NRXN3: variants seen among roughly 807,000 people sequenced by gnomAD.
NRXN3 encodes the protein neurexin 3.
NRXN3 carries 32 observed loss-of-function variants against 137.6 expected under a neutral mutation model. That is an observed-to-expected ratio of 0.23 (90% CI 0.18 to 0.31). The LOEUF (loss-of-function observed/expected upper bound fraction) is 0.31. Ranked by LOEUF, NRXN3 falls within the 10% of genes least tolerant of loss-of-function variation. The probability of loss-of-function intolerance (pLI) is 1.00; values close to 1 mark genes in which losing one functional copy is unlikely to be tolerated. For missense variants in NRXN3, 1,574 were observed against 2,062.5 expected (o/e 0.76, Z 4.59); for synonymous variants, 798 against 784.5 (o/e 1.02, Z -0.29).
rs145491619 is a variant in NRXN3 at position 79,696,238 on chromosome 14, G to A, written c.3707-1392G>A. Among the ~76,000 whole-genome samples, 1,510 of 151,952 alleles carry A rather than the reference G, an allele frequency of 9.9e-3. 43 individuals carry two copies. Among genetic ancestry groups the A allele is most frequent in the Middle Eastern group, 0.017 (5 of 294 alleles). ...TGGTAGATTTTTAAAGCCCAAACGT[G>A]ACAATATCCCTCTATTCATATTGGA... On this transcript the variant is annotated intron_variant, in intron 18 of 20. Coordinates refer to ENST00000335750, the MANE Select transcript of NRXN3 (RefSeq NM_001330195.2).
At chr14:78,475,517 G>A (rs2095363300) in intron 4 of NRXN3, among the ~76,000 whole-genome samples, 1 of 152,144 alleles carries the variant, frequency 6.6e-6, no homozygotes, top group South Asian at 2.1e-4. Flanking sequence ...TTTCTTTCAA[G>A]TATCTCAGGT....
intron 15 of NRXN3, among the ~76,000 whole-genome samples, chr14:79,126,928 A>G (rs1476037428): frequency 6.6e-6 from 1 of 152,184 alleles, no homozygotes; most frequent in African/African-American, 2.4e-5. Context: ...TTGGCCAGTG[A>G]TGGTGAGCAT....
chr14:79,648,718 G>T (rs2098462528), intron 16 of NRXN3, among the ~76,000 whole-genome samples: 1 of 151,952 alleles, frequency 6.6e-6, no homozygotes, highest in South Asian at 2.1e-4. Context: ...GCCCTTCACA[G>T]AGTGGAGATG....
chr14:79,829,157 A>G (rs2099315056), intron 20 of NRXN3, among the ~76,000 whole-genome samples: 1 of 152,212 alleles, frequency 6.6e-6, no homozygotes, highest in African/African-American at 2.4e-5. Flanking sequence ...TTCTGCAATA[A>G]AAGTTTGGGT....
At chr14:78,478,767 T>C (rs1413677898) in intron 4 of NRXN3, among the ~76,000 whole-genome samples, 4 of 152,056 alleles carry the variant, frequency 2.6e-5, no homozygotes, top group Non-Finnish European at 5.9e-5. Flanking sequence ...AGACCGAGGG[T>C]AGGTAGCTTT....
chr14:79,296,426 G>A (rs2084137154), intron 15 of NRXN3, among the ~76,000 whole-genome samples: 1 of 151,092 alleles, frequency 6.6e-6, no homozygotes, highest in Non-Finnish European at 1.5e-5. Flanking sequence ...GCATGCAGGA[G>A]ATGGGCTGAA....
intron 10 of NRXN3, among the ~76,000 whole-genome samples, chr14:78,926,888 A>T (rs1399993230): frequency 1.2e-4 from 2 of 16,204 alleles, no homozygotes; most frequent in East Asian, 2.8e-3. Flanking sequence ...TAATATATTT[A>T]TATATATATA....
At chr14:79,802,405 A>T (rs1350764441) in intron 19 of NRXN3, among the ~76,000 whole-genome samples, 3 of 152,082 alleles carry the variant, frequency 2.0e-5, no homozygotes, top group African/African-American at 4.8e-5. Context: ...GTTTTTTCAG[A>T]TAAGTTTTCC....
intron 20 of NRXN3, among the ~76,000 whole-genome samples, chr14:79,816,543 C>A (rs1246096437): frequency 6.6e-6 from 1 of 152,154 alleles, no homozygotes. Flanking sequence ...TTGTTTCCTC[C>A]AAATATTCCT....
chr14:78,397,602 T>TTTTG (rs150656021), intron 4 of NRXN3, among the ~76,000 whole-genome samples: 3 of 152,002 alleles, frequency 2.0e-5, no homozygotes, highest in Admixed American at 6.5e-5. Context: ...GAAGCACTTT[T>TTTTG]TTTGTTTGTT....
intron 20 of NRXN3, among the ~76,000 whole-genome samples, chr14:79,845,227 C>T (rs888396520): frequency 2.6e-5 from 4 of 152,170 alleles, no homozygotes; most frequent in African/African-American, 9.7e-5. Flanking sequence ...AAATATTTTC[C>T]ATATCAGCAA....
intron 6 of NRXN3, among the ~76,000 whole-genome samples, chr14:78,685,086 A>G (rs1278500821): frequency 6.6e-6 from 1 of 152,200 alleles, no homozygotes; most frequent in Non-Finnish European, 1.5e-5. Context: ...TACTTTAACA[A>G]GGCCTTTCCT....
chr14:79,463,835 C>A (rs977812710), intron 15 of NRXN3, among the ~76,000 whole-genome samples: 1 of 152,012 alleles, frequency 6.6e-6, no homozygotes, highest in Admixed American at 6.6e-5. Flanking sequence ...GTATAGCATG[C>A]CTCAGAAATG....
chr14:78,850,361 A>G (rs8011912), intron 10 of NRXN3, among the ~76,000 whole-genome samples: 5,701 of 152,240 alleles, frequency 0.037, 354 homozygotes, highest in African/African-American at 0.13. Flanking sequence ...ATTCTCTCTA[A>G]GACACTGCAT....
chr14:79,288,582 G>A, intron 15 of NRXN3, among the ~76,000 whole-genome samples: 1 of 152,162 alleles, frequency 6.6e-6, no homozygotes, highest in Non-Finnish European at 1.5e-5. Flanking sequence ...TAAGTGGCTT[G>A]ATTAACATGG....
intron 15 of NRXN3, among the ~76,000 whole-genome samples, chr14:79,186,855 G>T (rs2063600536): frequency 6.6e-6 from 1 of 152,170 alleles, no homozygotes; most frequent in African/African-American, 2.4e-5. Flanking sequence ...CCGTTAACAA[G>T]AAGTTAAATC....
At chr14:79,391,142 A>C (rs371787599) in intron 15 of NRXN3, among the ~76,000 whole-genome samples, 263 of 152,246 alleles carry the variant, frequency 1.7e-3, no homozygotes, top group Non-Finnish European at 2.6e-3. Flanking sequence ...CACCAACTAA[A>C]TGTAATGGAC....
chr14:78,681,409 G>A (rs1057185183), intron 6 of NRXN3, among the ~76,000 whole-genome samples: 5 of 152,178 alleles, frequency 3.3e-5, no homozygotes, highest in Non-Finnish European at 7.4e-5. Context: ...ATAGAAATAA[G>A]TAGGAATCGG....
intron 6 of NRXN3, among the ~76,000 whole-genome samples, chr14:78,661,891 T>G (rs1351118011): frequency 5.0e-5 from 7 of 139,774 alleles, no homozygotes; most frequent in Non-Finnish European, 9.4e-5. Context: ...TCTGAGACAG[T>G]TTTTTTTTTT....
Sources: allele counts gnomAD v4.1 joint callset (sites outside exome capture counted in the v4.1 genomes callset), GRCh38; gene constraint gnomAD v4.1.1; transcripts MANE v1.5; gene names NCBI Gene and HGNC (gene_info 2026-07-23, HGNC 2026-07-21).